The following PPP6R3 variants were observed in gnomAD, a reference collection of about 807,000 sequenced individuals.
PPP6R3 encodes the protein protein phosphatase 6 regulatory subunit 3.
A neutral mutation model predicts 110.7 loss-of-function variants in PPP6R3; 38 were observed. The observed-to-expected ratio is 0.34, with a 90% CI of 0.26 to 0.45. The LOEUF is 0.45. PPP6R3 is among the 20% of genes least tolerant of loss of function. PPP6R3 has a pLI of 1.00. For synonymous variants in PPP6R3, 369 were observed against 373.5 expected, an observed-to-expected ratio of 0.99 and a Z score of 0.14; for missense variants, 870 against 1,062.4, an observed-to-expected ratio of 0.82 and a Z score of 2.52.
chr11:68,486,494 A>C (rs955389085), intron 1 of PPP6R3, among the ~76,000 whole-genome samples: 1 of 151,508 alleles, frequency 6.6e-6, no homozygotes, highest in Admixed American at 6.6e-5. Flanking sequence ...AGTCCCAGCT[A>C]CTTGGGAGGC....
At chr11:68,504,481 A>G (rs114829932) in intron 1 of PPP6R3, among the ~76,000 whole-genome samples, 33 of 152,264 alleles carry the variant, frequency 2.2e-4, no homozygotes, top group African/African-American at 7.0e-4. Context: ...TTCCTATTTC[A>G]TATATGTACT....
chr11:68,612,730 G>C (rs1944208377), intron 23 of PPP6R3, among the ~76,000 whole-genome samples: 1 of 152,004 alleles, frequency 6.6e-6, no homozygotes, highest in Non-Finnish European at 1.5e-5. Flanking sequence ...TGAACACATA[G>C]CTCCTGAAGG....
At chr11:68,573,909 A>G (rs1300743747) in intron 12 of PPP6R3, among the ~76,000 whole-genome samples, 200 bp from the exon 13 acceptor site, 1 of 152,104 alleles carries the variant, frequency 6.6e-6, no homozygotes, top group Non-Finnish European at 1.5e-5. Context: ...TTACAATTTC[A>G]CACCCCTCCC....
chr11:68,483,144 C>T (rs1296373560), intron 1 of PPP6R3, among the ~76,000 whole-genome samples: 3 of 152,022 alleles, frequency 2.0e-5, no homozygotes, highest in Admixed American at 6.6e-5. Context: ...GCTTTTTTGT[C>T]TTTGCAAGTA....
chr11:68,546,945 T>C (rs1019076334), intron 4 of PPP6R3, among the ~76,000 whole-genome samples: 3 of 152,188 alleles, frequency 2.0e-5, no homozygotes, highest in African/African-American at 7.2e-5. Context: ...GGGATCCAAT[T>C]GTGAGTGAAT....
Position 68,614,274 on chromosome 11 carries a change from A to G in PPP6R3, c.*1157A>G. The G allele has an allele frequency of 9.7e-7, 1 of 1,034,728 alleles. No individual in the cohort carries two copies. The highest frequency in any genetic ancestry group is 1.2e-6 in the Non-Finnish European group (1 of 860,226). The allele number at this position is 1,034,728 out of a possible 1,614,324, so 64.1% of individuals were successfully genotyped here. On this transcript the variant is annotated 3_prime_UTR_variant, in exon 24 of 24. Coordinates refer to ENST00000393800, the MANE Select transcript of PPP6R3 (RefSeq NM_001164161.2). ...ATATAGTGATTATGGATACTAATTC[A>G]ATGTAATTTATAATTTTCTATGTCA...
chr11:68,521,088 T>C (rs1011425231), intron 2 of PPP6R3, among the ~76,000 whole-genome samples: 3 of 152,126 alleles, frequency 2.0e-5, no homozygotes, highest in South Asian at 4.1e-4. Context: ...AGTTTTATTA[T>C]TGTTCTTTGT....
chr11:68,479,483 T>G (rs955435480), intron 1 of PPP6R3, among the ~76,000 whole-genome samples: 1 of 152,212 alleles, frequency 6.6e-6, no homozygotes, highest in African/African-American at 2.4e-5. Context: ...CTTAAAAGGT[T>G]GTTTTGCCTA....
intron 8 of PPP6R3, among the ~76,000 whole-genome samples, chr11:68,561,089 C>A (rs545652258): frequency 2.0e-5 from 3 of 151,912 alleles, no homozygotes; most frequent in Non-Finnish European, 4.4e-5. Context: ...TTAGTAGAGA[C>A]GGGGTTTCAC....
At chr11:68,567,970 G>C (rs985569486) in intron 10 of PPP6R3, among the ~76,000 whole-genome samples, 1 of 152,116 alleles carries the variant, frequency 6.6e-6, no homozygotes, top group African/African-American at 2.4e-5. Context: ...GTGTTTTTCA[G>C]ATCATGCCCA....
chr11:68,542,411 T>TTTTTTTTTTTTTAA (rs1244450813), intron 3 of PPP6R3, among the ~76,000 whole-genome samples: 1 of 141,882 alleles, frequency 7.0e-6, no homozygotes, highest in Non-Finnish European at 1.5e-5. Context: ...TTTTTTTTTT[T>TTTTTTTTTTTTTAA]AAGACAGAGT....
chr11:68,554,187 C>T lies in PPP6R3; in HGVS notation c.661C>T (p.Leu221=). 1.2e-6 allele frequency: 2 copies of T among 1,613,750 alleles called. No homozygotes were observed. The highest frequency in any genetic ancestry group is 1.7e-6 in the Non-Finnish European group (2 of 1,179,882). ...ACAATCACTTTGTGAAATTGTTCGCCTGAGCAGAGACCAGATGTTACAAAT... is the reference window on the plus strand; with the variant it reads ...ACAATCACTTTGTGAAATTGTTCGCTTGAGCAGAGACCAGATGTTACAAAT... ...ASQSLCEIVR[L]SRDQMLQIQN... Residue 221 remains leucine (L), a synonymous_variant, in exon 7 of 24, where the codon CTG becomes TTG. Coordinates refer to ENST00000393800, the MANE Select transcript of PPP6R3 (RefSeq NM_001164161.2).
chr11:68,579,952 A>G (rs1011794552), intron 14 of PPP6R3, among the ~76,000 whole-genome samples: 3 of 152,214 alleles, frequency 2.0e-5, no homozygotes, highest in East Asian at 1.9e-4. Context: ...CTTTGTCACA[A>G]TGTATCCTTG....
At chr11:68,519,356 A>T (rs2099152665) in intron 1 of PPP6R3, 145 bp from the exon 2 acceptor site, 1 of 367,958 alleles carries the variant, frequency 2.7e-6, no homozygotes. Flanking sequence ...ATATAGAAAA[A>T]TTTTAGTGAT....
chr11:68,492,120 G>A lies in PPP6R3; in HGVS notation c.-157-27381G>A, dbSNP rs76795859. 2.6e-5 allele frequency among the ~76,000 whole-genome samples: 4 copies of A among 152,184 alleles called. No individual in the cohort carries two copies. In the East Asian group the frequency reaches 7.7e-4, roughly 29 times the overall value. On this transcript the variant is annotated intron_variant, in intron 1 of 23. Transcript: ENST00000393800. Reference sequence around the variant, plus strand: ...TGGCTTCAAGCACAGTGTCTTCAAGGTTTACTCATGTTGTAGGATGTGTCC... The same window carrying A: ...TGGCTTCAAGCACAGTGTCTTCAAGATTTACTCATGTTGTAGGATGTGTCC...
At chr11:68,501,676 AGTT>A (rs142712152) in intron 1 of PPP6R3, among the ~76,000 whole-genome samples, 1,556 of 152,356 alleles carry the variant, frequency 0.01, 10 homozygotes, top group African/African-American at 0.012. Context: ...AAACTGAAAG[AGTT>A]GTTTTCTTAA....
At chr11:68,542,642 TC>T (rs1355157479) in intron 3 of PPP6R3, among the ~76,000 whole-genome samples, 3 of 152,040 alleles carry the variant, frequency 2.0e-5, no homozygotes, top group Non-Finnish European at 4.4e-5. Flanking sequence ...GATCCATCCA[TC>T]TTGGCCTCCC....
At chr11:68,508,295 A>AT (rs972043484) in intron 1 of PPP6R3, among the ~76,000 whole-genome samples, 17 of 150,840 alleles carry the variant, frequency 1.1e-4, no homozygotes, top group African/African-American at 2.7e-4. Context: ...AGCCCGGCTT[A>AT]TTTTTTTTGT....
At chr11:68,481,813 C>A (rs974479713) in intron 1 of PPP6R3, among the ~76,000 whole-genome samples, 10 of 152,158 alleles carry the variant, frequency 6.6e-5, no homozygotes, top group Admixed American at 1.3e-4. Context: ...CTTGCTGAGT[C>A]CCTGCTATTA....
Sources: allele counts gnomAD v4.1 joint callset (sites outside exome capture counted in the v4.1 genomes callset), GRCh38; gene constraint gnomAD v4.1.1; transcripts MANE v1.5; gene names NCBI Gene and HGNC (gene_info 2026-07-23, HGNC 2026-07-21).